FRY: variants seen among roughly 807,000 people sequenced by gnomAD.
FRY encodes the protein protein furry homolog.
FRY carries 128 observed loss-of-function variants against 348.4 expected under a neutral mutation model. That is an observed-to-expected ratio of 0.37 (90% CI 0.32 to 0.43). The LOEUF is 0.43. FRY is among the 20% of genes least tolerant of loss of function. FRY has a pLI of 1.00. For synonymous variants in FRY, 1,370 were observed against 1,374.7 expected (o/e 1.00, Z 0.08); for missense variants, 2,736 against 3,695.2 (o/e 0.74, Z 6.73).
intron 58 of FRY, among the ~76,000 whole-genome samples, chr13:32,284,368 A>C (rs1188402698): frequency 6.6e-6 from 1 of 152,232 alleles, no homozygotes; most frequent in African/African-American, 2.4e-5. Context: ...TGAACAAGTT[A>C]AGTGTTAAAC....
chr13:32,108,389 G>A (rs187054078), intron 3 of FRY, among the ~76,000 whole-genome samples: 1 of 152,304 alleles, frequency 6.6e-6, no homozygotes, highest in East Asian at 1.9e-4. Flanking sequence ...TTTATGCAAA[G>A]GTCCTGAACA....
At chr13:32,226,194 G>A (rs1333254883) in intron 39 of FRY, among the ~76,000 whole-genome samples, 1 of 152,102 alleles carries the variant, frequency 6.6e-6, no homozygotes, top group Admixed American at 6.5e-5. Context: ...TATTTTTCCT[G>A]GTTATATATA....
intron 2 of FRY, among the ~76,000 whole-genome samples, chr13:32,097,767 AGT>A (rs139812456): frequency 2.0e-5 from 3 of 151,324 alleles, no homozygotes; most frequent in Admixed American, 6.6e-5. Flanking sequence ...ATATGTTTGG[AGT>A]GTGTGTGTGT....
At position 32,210,965 on chromosome 13, in the gene FRY, G is replaced by A. The variant is rs201639194; in HGVS notation, c.4522G>A (p.Val1508Ile). 3.5e-4 allele frequency: 566 copies of A among 1,613,932 alleles called. 2 individuals carry two copies. Among genetic ancestry groups the A allele is most frequent in the Non-Finnish European group, 1.5e-4 (177 of 1,179,856 alleles). ...LQQTEPVNPI[V>I]QHCDNPPFYR... ...GCAGACAGAGCCCGTGAACCCCATCGTCCAGCATTGTGACAACCCGCCCTT... is the reference window on the plus strand; with the variant it reads ...GCAGACAGAGCCCGTGAACCCCATCATCCAGCATTGTGACAACCCGCCCTT... The change falls in exon 34 of 61, where the codon GTC becomes ATC. Residue 1508 changes from valine (V) to isoleucine (I), a missense_variant. Val to Ile is a conservative substitution (Grantham distance 29). Coordinates refer to ENST00000542859, the MANE Select transcript of FRY (RefSeq NM_023037.3).
intron 58 of FRY, among the ~76,000 whole-genome samples, chr13:32,281,859 G>C (rs369565822): frequency 4.0e-4 from 61 of 152,302 alleles, no homozygotes; most frequent in African/African-American, 1.4e-3. Context: ...TGTTTTAATT[G>C]GTTAGTAGAT....
At chr13:32,091,191 T>C (rs2138586448) in intron 2 of FRY, among the ~76,000 whole-genome samples, 1 of 152,362 alleles carries the variant, frequency 6.6e-6, no homozygotes, top group Admixed American at 6.5e-5. Context: ...TCATTAGTTA[T>C]TAGAAACCTA....
chr13:32,239,214 C>A lies in FRY; in HGVS notation c.6419-38C>A. 3 of 1,211,876 alleles carry A rather than the reference C, an allele frequency of 2.5e-6. No individual in the cohort carries two copies. The highest frequency in any genetic ancestry group is 1.2e-5 in the South Asian group (1 of 83,018). The allele number at this position is 1,211,876 out of a possible 1,614,324, so 75.1% of individuals were successfully genotyped here. ...CCCACTGTTAACAGCTAAAATATAC[C>A]ATATTCAGCTATCTCCATTGTATCT... On this transcript the variant is annotated intron_variant, in intron 44 of 60. Coordinates refer to ENST00000542859, the MANE Select transcript of FRY (RefSeq NM_023037.3). The surrounding 1 kb of genome is among the most constrained non-coding windows in gnomAD (Gnocchi z 4.3).
intron 46 of FRY, among the ~76,000 whole-genome samples, chr13:32,240,932 T>G (rs905624914): frequency 6.6e-6 from 1 of 152,184 alleles, no homozygotes; most frequent in Non-Finnish European, 1.5e-5. Context: ...CATCAACATT[T>G]ATAGTTGATC....
chr13:32,232,239 G>T (rs983325948), intron 41 of FRY, among the ~76,000 whole-genome samples: 13 of 152,208 alleles, frequency 8.5e-5, no homozygotes, highest in African/African-American at 3.1e-4. Context: ...TGGATTGAAT[G>T]AAAATAATAA....
Position 32,234,672 on chromosome 13 carries a change from G to A in FRY, c.5626G>A (p.Ala1876Thr), listed in dbSNP as rs374509395. 3 of 1,614,082 alleles carry A rather than the reference G, an allele frequency of 1.9e-6. No individual in the cohort carries two copies. Among genetic ancestry groups the A allele is most frequent in the East Asian group, 2.2e-5 (1 of 44,872 alleles). ...TGGTCGGTCCTTCCAGATATTCCGG[G>A]CCCTCAAGCAACCTCTGTCAGCACA... ...YAGRSFQIFR[A>T]LKQPLSAHAL... is the part of the protein sequence containing the mutation. The change falls in exon 42 of 61, where the codon GCC becomes ACC. Residue 1876 changes from alanine to threonine, a missense_variant. Physicochemically the swap from Ala to Thr is moderately conservative, Grantham distance 58. Transcript: ENST00000542859.
At position 32,297,953 on chromosome 13, in the gene FRY, G is replaced by T. The variant is rs1249345696; in HGVS notation, c.*2493G>T. 1 of 152,178 alleles carries T rather than the reference G, an allele frequency of 6.6e-6. No individual in the cohort carries two copies. The highest frequency in any genetic ancestry group is 1.5e-5 in the Non-Finnish European group (1 of 68,044). 9.4% of individuals were successfully genotyped at this position (152,178 alleles called of 1,614,324 possible). A position where few individuals can be genotyped will look rare whatever the true frequency, so the allele number is the denominator to read the frequency against. ...CTGCAGAATAAAGCAATCCAGACAGGCGCTCTGTAACTTAGACATCACTTG... is the reference window on the plus strand; with the variant it reads ...CTGCAGAATAAAGCAATCCAGACAGTCGCTCTGTAACTTAGACATCACTTG... On this transcript the variant is annotated 3_prime_UTR_variant, in exon 61 of 61. Coordinates refer to ENST00000542859, the MANE Select transcript of FRY (RefSeq NM_023037.3).
rs1160732397 is a variant in FRY at position 32,296,348 on chromosome 13, C to T, written c.*888C>T. 1 of 152,514 alleles carries T rather than the reference C, an allele frequency of 6.6e-6. No individual in the cohort carries two copies. Among genetic ancestry groups the T allele is most frequent in the Non-Finnish European group, 1.5e-5 (1 of 68,024 alleles). 9.4% of individuals were successfully genotyped at this position (152,514 alleles called of 1,614,324 possible). A position where few individuals can be genotyped will look rare whatever the true frequency, so the allele number is the denominator to read the frequency against. ...ATATTTTAATATCTGTTTGGATAGT[C>T]AGAAGTAGAATCATAAAGGTAAAAT... On this transcript the variant is annotated 3_prime_UTR_variant, in exon 61 of 61. Transcript: ENST00000542859.
chr13:32,041,434 C>T (rs1248555843), intron 1 of FRY, among the ~76,000 whole-genome samples: 4 of 151,926 alleles, frequency 2.6e-5, no homozygotes, highest in African/African-American at 9.7e-5. Flanking sequence ...GCTGGGATTA[C>T]AGGTGCCCGC....
intron 4 of FRY, among the ~76,000 whole-genome samples, chr13:32,118,237 A>T (rs186744303): frequency 9.6e-4 from 146 of 152,138 alleles, no homozygotes; most frequent in African/African-American, 2.1e-3. Context: ...TACCTTTTTT[A>T]AAAAAAATAA....
In FRY at chr13:32,119,319, G is replaced by C. The variant is rs543113567; in HGVS notation, c.464+1846G>C. ...AATAGATGTCAGGGATGCACATTGG[G>C]TTGTGATTTCTGAGATTAGTACAGT... On this transcript the variant is annotated intron_variant, in intron 4 of 60. Coordinates refer to ENST00000542859, the MANE Select transcript of FRY (RefSeq NM_023037.3). Among the ~76,000 whole-genome samples, 9 of 152,290 alleles carry C rather than the reference G, an allele frequency of 5.9e-5. No individual in the cohort carries two copies. In the East Asian group the frequency reaches 1.7e-3, roughly 29 times the overall value.
intron 1 of FRY, among the ~76,000 whole-genome samples, chr13:32,071,289 A>G (rs1874641429): frequency 6.6e-6 from 1 of 152,206 alleles, no homozygotes; most frequent in African/African-American, 2.4e-5. Context: ...TTGAATCTAT[A>G]AATTACCTTG....
At chr13:32,089,379 AG>A (rs1876100204) in intron 2 of FRY, among the ~76,000 whole-genome samples, 1 of 152,274 alleles carries the variant, frequency 6.6e-6, no homozygotes, top group African/African-American at 2.4e-5. Context: ...GGTTGAAGGC[AG>A]GGGGGTTGGA....
rs2072083951 is a variant in FRY, at chr13:32,297,617, G to T, written c.*2157G>T. 1 of 152,170 alleles carries T rather than the reference G, an allele frequency of 6.6e-6. No homozygotes were observed. 9.4% of individuals were successfully genotyped at this position (152,170 alleles called of 1,614,324 possible). The stretch of plus-strand genomic sequence containing the variant: ...TAAAAGGAGATGTATTAATGTGAAA[G>T]GTTTCTTCTACTTTTCCTCTATCTC... On this transcript the variant is annotated 3_prime_UTR_variant, in exon 61 of 61. Transcript: ENST00000542859.
chr13:32,262,382 C>T lies in FRY; in HGVS notation c.7686C>T (p.Thr2562=). ...TGCTCACCACAGCCTGTGACTCGAC[C>T]CCTGCAGAACCTCATTCCTTTAACA... ...MELLTTACDS[T]PAEPHSFNTR... is the part of the protein sequence containing the mutation. The change falls in exon 53 of 61, where the codon ACC becomes ACT. Residue 2562 remains threonine (T), a synonymous_variant. Transcript: ENST00000542859. The T allele has an allele frequency of 6.2e-7, 1 of 1,613,258 alleles. No homozygotes were observed. The highest frequency in any genetic ancestry group is 1.1e-5 in the South Asian group (1 of 91,076).
Sources: allele counts gnomAD v4.1 joint callset (sites outside exome capture counted in the v4.1 genomes callset), GRCh38; gene constraint gnomAD v4.1.1; non-coding constraint Gnocchi (gnomAD v3.1); transcripts MANE v1.5; gene names NCBI Gene and HGNC (gene_info 2026-07-23, HGNC 2026-07-21).